The following GATAD1 variants were observed in gnomAD, a reference collection of about 807,000 sequenced individuals.
The protein encoded by GATAD1 is GATA zinc finger domain-containing protein 1.
GATAD1 carries 12 observed loss-of-function variants against 26.5 expected under a neutral mutation model. The observed-to-expected ratio is 0.45, with a 90% CI of 0.29 to 0.73. GATAD1 has a LOEUF of 0.73. Among genes scored for constraint, GATAD1 ranks in the 30% least tolerant of loss-of-function variants. GATAD1 has a pLI of 0.10. For missense variants in GATAD1, 266 were observed against 342.1 expected (o/e 0.78, Z 1.75); for synonymous variants, 129 against 133.1 (o/e 0.97, Z 0.21).
At chr7:92,448,112 C>T (rs1255618192) in intron 1 of GATAD1, 134 bp downstream of exon 1, 2 of 532,014 alleles carry the variant, frequency 3.8e-6, no homozygotes, top group Non-Finnish European at 5.5e-6. Context: ...CCCCTCCCCA[C>T]CTCCTACTGA....
chr7:92,449,389 C>T, intron 2 of GATAD1: 4 of 982,848 alleles, frequency 4.1e-6, no homozygotes, highest in Non-Finnish European at 4.8e-6. Context: ...GCCTTATCTC[C>T]TCTTCTGCTC....
At chr7:92,494,390 T>TA in the GATAD1 span, 1 of 1,613,934 alleles carries the variant, frequency 6.2e-7, no homozygotes, top group Non-Finnish European at 8.5e-7. Context: ...AGCCAATACA[T>TA]AAACACCTAG....
chr7:92,491,342 A>G, the GATAD1 span: 4 of 1,614,064 alleles, frequency 2.5e-6, no homozygotes, highest in Non-Finnish European at 3.4e-6. Context: ...GTACATATTG[A>G]ATTTTGATTC....
chr7:92,493,144 A>C, the GATAD1 span: 2 of 1,448,914 alleles, frequency 1.4e-6, no homozygotes, highest in East Asian at 2.3e-5. Flanking sequence ...AAGGAGAAAA[A>C]TTTATTTAAC....
At chr7:92,485,587 C>G in the GATAD1 span, among the ~76,000 whole-genome samples, 1 of 152,168 alleles carries the variant, frequency 6.6e-6, no homozygotes, top group Non-Finnish European at 1.5e-5. Flanking sequence ...TCCAAGGGCA[C>G]CAGACACTCT....
chr7:92,479,341 G>C, the GATAD1 span, among the ~76,000 whole-genome samples: 1 of 152,160 alleles, frequency 6.6e-6, no homozygotes, highest in South Asian at 2.1e-4. Flanking sequence ...GGATTTGGGT[G>C]GGTAGTGGAG....
At chr7:92,472,980 T>C in the GATAD1 span, 1 of 152,220 alleles carries the variant, frequency 6.6e-6, no homozygotes, top group Non-Finnish European at 1.5e-5. Flanking sequence ...GTATGAGGAT[T>C]GGCTCAAGTC....
At chr7:92,478,837 C>G in the GATAD1 span, among the ~76,000 whole-genome samples, 19 of 152,174 alleles carry the variant, frequency 1.2e-4, no homozygotes, top group African/African-American at 4.6e-4. Context: ...GATTCCCACC[C>G]TCTTCTTGTC....
chr7:92,491,182 T>C, the GATAD1 span: 1 of 862,084 alleles, frequency 1.2e-6, no homozygotes, highest in Non-Finnish European at 2.0e-6. Flanking sequence ...GAAGAATATG[T>C]GGGGCTGGTT....
chr7:92,484,923 C>T, the GATAD1 span, among the ~76,000 whole-genome samples: 32 of 151,436 alleles, frequency 2.1e-4, no homozygotes, highest in Non-Finnish European at 4.1e-4. Flanking sequence ...TGGGTGCAGG[C>T]GGGCTGAGTC....
At chr7:92,482,158 G>T in the GATAD1 span, among the ~76,000 whole-genome samples, 1 of 152,308 alleles carries the variant, frequency 6.6e-6, no homozygotes, top group East Asian at 1.9e-4. Context: ...GAAGCCTTGC[G>T]GCAGTACAGC....
chr7:92,487,258 A>G, the GATAD1 span: 1 of 366,790 alleles, frequency 2.7e-6, no homozygotes, highest in South Asian at 8.5e-5. Context: ...GGAATCTGTT[A>G]TAATGTCCCA....
the GATAD1 span, chr7:92,491,430 C>T: frequency 3.1e-6 from 5 of 1,613,816 alleles, no homozygotes; most frequent in Middle Eastern, 1.6e-4. Context: ...GCTGAATCGT[C>T]AGAGCCACTG....
At chr7:92,488,114 T>C in the GATAD1 span, among the ~76,000 whole-genome samples, 18 of 152,186 alleles carry the variant, frequency 1.2e-4, no homozygotes, top group Non-Finnish European at 1.5e-5. Context: ...TAAAATGACA[T>C]TTAAAAACAA....
At chr7:92,478,587 C>G in the GATAD1 span, among the ~76,000 whole-genome samples, 1 of 152,118 alleles carries the variant, frequency 6.6e-6, no homozygotes, top group Admixed American at 6.5e-5. Context: ...GTGGTCTGAC[C>G]TGCAGGGATC....
intron 3 of GATAD1, among the ~76,000 whole-genome samples, chr7:92,451,925 C>G (rs991370040): frequency 9.9e-5 from 15 of 152,222 alleles, no homozygotes; most frequent in Non-Finnish European, 1.8e-4. Context: ...GAGCTTAAGC[C>G]TAGAGCATAG....
chr7:92,494,353 G>A, the GATAD1 span: 1 of 1,613,970 alleles, frequency 6.2e-7, no homozygotes, highest in East Asian at 2.2e-5. Flanking sequence ...GCAGGGCAGG[G>A]TCAATCAAGT....
chr7:92,472,948 C>T, the GATAD1 span: 17 of 152,326 alleles, frequency 1.1e-4, no homozygotes, highest in African/African-American at 3.8e-4. Flanking sequence ...AATCATCCAC[C>T]TACCGAAGGA....
At chr7:92,483,483 C>G in the GATAD1 span, among the ~76,000 whole-genome samples, 2 of 152,114 alleles carry the variant, frequency 1.3e-5, no homozygotes, top group Admixed American at 1.3e-4. Flanking sequence ...ATTTTTGGAG[C>G]TTTATTTAAT....
Sources: allele counts gnomAD v4.1 joint callset (sites outside exome capture counted in the v4.1 genomes callset), GRCh38; gene constraint gnomAD v4.1.1; transcripts MANE v1.5; gene names NCBI Gene and HGNC (gene_info 2026-07-23, HGNC 2026-07-21).